The following QRSL1 variants were observed in gnomAD, a reference collection of about 807,000 sequenced individuals.
QRSL1 encodes glutamyl-tRNA(Gln) amidotransferase subunit A, mitochondrial.
Under a neutral mutation model 61.6 loss-of-function variants are expected in QRSL1, and 54 were observed. The observed-to-expected ratio is 0.88, with a 90% CI of 0.70 to 1.10. The LOEUF (loss-of-function observed/expected upper bound fraction) is 1.10, where lower values mean the gene tolerates loss of function less well. QRSL1 is among the 50% of genes least tolerant of loss of function. The pLI, the probability that QRSL1 is intolerant of heterozygous loss-of-function variation, is 0.00. For synonymous variants in QRSL1, 228 were observed against 225.7 expected, an observed-to-expected ratio of 1.01 and a Z score of -0.09; for missense variants, 505 against 622.6, an observed-to-expected ratio of 0.81 and a Z score of 2.01.
chr6:106,639,140 T>TTG lies in QRSL1; in HGVS notation c.25-1208_25-1207insGT, dbSNP rs1776976087. Among the ~76,000 whole-genome samples the TTG allele has an allele frequency of 9.9e-5, 14 of 141,966 alleles. 1 individual carries two copies. The highest frequency in any genetic ancestry group is 2.0e-4 in the Non-Finnish European group (13 of 65,646). 93.1% of individuals were successfully genotyped at this position (141,966 alleles called of 152,430 possible). A position where few individuals can be genotyped will look rare whatever the true frequency, so the allele number is the denominator to read the frequency against. Reference sequence around the variant, plus strand: ...TGTTGTTTTTTTTTTTTTTTTTTTTTTTTTTTGACAGAGTCTGGCTCTGTC... The same window carrying TTG: ...TGTTGTTTTTTTTTTTTTTTTTTTTTTGTTTTTTGACAGAGTCTGGCTCTGTC... On this transcript the variant is annotated intron_variant, in intron 1 of 10. Coordinates refer to ENST00000369046, the MANE Select transcript of QRSL1 (RefSeq NM_018292.5).
rs554306734 is a variant in QRSL1 at position 106,652,468 on chromosome 6, T to C, written c.735T>C (p.Gly245=). The change falls in exon 7 of 11, where the codon GGT becomes GGC. Residue 245 remains glycine (G), a splice_region_variant and synonymous_variant. Coordinates refer to ENST00000369046, the MANE Select transcript of QRSL1 (RefSeq NM_018292.5). ...RCVDDAAIVL[G]ALAGPDPRDS... ...ATTCATAAGTATTGCTCCTTACAGG[T>C]GCACTGGCCGGACCTGACCCCAGGG... 14 of 1,613,818 alleles carry C rather than the reference T, an allele frequency of 8.7e-6. No homozygotes were observed. Among genetic ancestry groups the C allele is most frequent in the Admixed American group, 6.7e-5 (4 of 60,018 alleles).
At chr6:106,644,851 A>T (rs1202860643) in intron 4 of QRSL1, among the ~76,000 whole-genome samples, 3 of 152,086 alleles carry the variant, frequency 2.0e-5, no homozygotes, top group African/African-American at 7.2e-5. Context: ...GTCACAAAGA[A>T]TTTTTTCCTA....
At chr6:106,649,463 G>C (rs925375649) in intron 5 of QRSL1, among the ~76,000 whole-genome samples, 5 of 152,190 alleles carry the variant, frequency 3.3e-5, no homozygotes, top group African/African-American at 1.2e-4. Context: ...GGATCTTGCA[G>C]AATAAAGCAT....
At chr6:106,639,116 GTTGTTTTTTTT>G (rs1279222095) in intron 1 of QRSL1, among the ~76,000 whole-genome samples, 1 of 54,358 alleles carries the variant, frequency 1.8e-5, no homozygotes, top group African/African-American at 6.8e-5. Flanking sequence ...TGTGTGTTTT[GTTGTTTTTTTT>G]TTTTTTTTTT....
rs978681923 is a variant in QRSL1, at chr6:106,642,884, G to T, written c.284-110G>T. 1.7e-5 allele frequency: 14 copies of T among 844,212 alleles called. No individual in the cohort carries two copies. The Admixed American group carries it at 2.6e-4, about 16-fold the overall frequency. The allele number at this position is 844,212 out of a possible 1,614,324, so 52.3% of individuals were successfully genotyped here. ...GCACTGTGTGAGAACCAATGGGAAG[G>T]CTCCTGAGCTGTTGGAGCCTATTCC... On this transcript the variant is annotated intron_variant, in intron 3 of 10. Coordinates refer to ENST00000369046, the MANE Select transcript of QRSL1 (RefSeq NM_018292.5).
chr6:106,631,104 T>A (rs1776819280), intron 1 of QRSL1, among the ~76,000 whole-genome samples: 1 of 151,756 alleles, frequency 6.6e-6, no homozygotes, highest in Admixed American at 6.6e-5. Context: ...CGGGCGCCTG[T>A]AGTCCCAGCT....
In QRSL1 at chr6:106,666,802, G is replaced by A. The variant is rs1032960721; in HGVS notation, c.*800G>A. The stretch of plus-strand genomic sequence containing the variant: ...GCGCTGAGCAGAGCAGGTGGAAGAG[G>A]AACTTTGAGCACAGGAGGAAATGCA... On this transcript the variant is annotated 3_prime_UTR_variant, in exon 11 of 11. Transcript: ENST00000369046. 6.6e-6 allele frequency: 1 copy of A among 152,238 alleles called. No homozygotes were observed. Among genetic ancestry groups the A allele is most frequent in the African/African-American group, 2.4e-5 (1 of 41,438 alleles). 9.4% of individuals were successfully genotyped at this position (152,238 alleles called of 1,614,324 possible). A position where few individuals can be genotyped will look rare whatever the true frequency, so the allele number is the denominator to read the frequency against.
chr6:106,630,123 T>C (rs1377217089), intron 1 of QRSL1, among the ~76,000 whole-genome samples: 1 of 152,188 alleles, frequency 6.6e-6, no homozygotes, highest in Admixed American at 6.5e-5. Context: ...AATTTTTGGC[T>C]TTTTTCAAAG....
intron 2 of QRSL1, 69 bp from the exon 3 acceptor site, chr6:106,640,754 T>A (rs1011071929): frequency 3.0e-6 from 4 of 1,322,958 alleles, no homozygotes; most frequent in Non-Finnish European, 4.3e-6. Context: ...GTTACTGTAA[T>A]AACATGTATT....
In QRSL1 at chr6:106,640,512, A is replaced by AAT; in HGVS notation, c.184+5_184+6dup. 1 of 1,552,148 alleles carries AAT rather than the reference A, an allele frequency of 6.4e-7. No homozygotes were observed. The highest frequency in any genetic ancestry group is 8.7e-7 in the Non-Finnish European group (1 of 1,153,536). On this transcript the variant is annotated splice_donor_region_variant and intron_variant, in intron 2 of 10. Transcript: ENST00000369046. The stretch of plus-strand genomic sequence containing the variant: ...TCAGAAAAGAGATATAAGAATGGTA[A>AAT]ATTGCTTTTAACTATACTTAATTGT...
intron 5 of QRSL1, among the ~76,000 whole-genome samples, chr6:106,649,604 G>C (rs1378626847): frequency 6.6e-6 from 1 of 151,980 alleles, no homozygotes; most frequent in Non-Finnish European, 1.5e-5. Context: ...TGTTGGTAAT[G>C]TTTATCCTTC....
intron 1 of QRSL1, among the ~76,000 whole-genome samples, chr6:106,630,168 A>G (rs1023442765): frequency 2.0e-5 from 3 of 152,174 alleles, no homozygotes; most frequent in Non-Finnish European, 2.9e-5. Flanking sequence ...CCACTAAGAT[A>G]CCAGTGATTT....
chr6:106,655,714 A>G lies in QRSL1; in HGVS notation c.1142A>G (p.Asn381Ser). The G allele has an allele frequency of 6.2e-7, 1 of 1,609,902 alleles. No individual in the cohort carries two copies. Among genetic ancestry groups the G allele is most frequent in the South Asian group, 1.1e-5 (1 of 90,982 alleles). The part of the protein sequence containing the change: ...DVVRGRILSG[N>S]FFLLKENYEN... ...GTGAGAGGAAGAATTCTCTCAGGAA[A>G]CTTTTTCTTATTAAAAGAGTAAGAC... The change falls in exon 9 of 11, where the codon AAC (asparagine) becomes AGC (serine). Residue 381 changes from asparagine to serine, a missense_variant. Transcript: ENST00000369046.
At position 106,652,458 on chromosome 6, in the gene QRSL1, T is replaced by A. The variant is rs1352083879; in HGVS notation, c.734-9T>A. 2.5e-6 allele frequency: 4 copies of A among 1,613,220 alleles called. No individual in the cohort carries two copies. Among genetic ancestry groups the A allele is most frequent in the Non-Finnish European group, 2.5e-6 (3 of 1,179,310 alleles). Reference sequence around the variant, plus strand: ...TATATCTGTCATTCATAAGTATTGCTCCTTACAGGTGCACTGGCCGGACCT... The same window carrying A: ...TATATCTGTCATTCATAAGTATTGCACCTTACAGGTGCACTGGCCGGACCT... On this transcript the variant is annotated splice_polypyrimidine_tract_variant and intron_variant, in intron 6 of 10. Transcript: ENST00000369046.
chr6:106,663,603 G>A (rs1008106498), intron 10 of QRSL1, among the ~76,000 whole-genome samples: 2 of 152,140 alleles, frequency 1.3e-5, no homozygotes, highest in African/African-American at 4.8e-5. Flanking sequence ...TCACTATCAC[G>A]AGAACAGCAC....
intron 7 of QRSL1, among the ~76,000 whole-genome samples, chr6:106,654,262 A>G (rs561768552): frequency 6.6e-6 from 1 of 152,156 alleles, no homozygotes; most frequent in South Asian, 2.1e-4. Flanking sequence ...AGGCAGGAGA[A>G]TGGCGTGAAC....
At position 106,655,649 on chromosome 6, in the gene QRSL1, C is replaced by A. The variant is rs749896179; in HGVS notation, c.1077C>A (p.Ala359=). ...HRCDIDVSTE[A]MYAATRREGF... ...GTGACATTGATGTGTCCACTGAAGC[C>A]ATGTATGCTGCAACCAGACGAGAAG... is the stretch of plus-strand genomic sequence containing the variant. Residue 359 remains alanine (A), a synonymous_variant, in exon 9 of 11, where the codon GCC becomes GCA. Coordinates refer to ENST00000369046, the MANE Select transcript of QRSL1 (RefSeq NM_018292.5). The A allele has an allele frequency of 1.9e-6, 3 of 1,613,040 alleles. No homozygotes were observed. The highest frequency in any genetic ancestry group is 2.5e-6 in the Non-Finnish European group (3 of 1,179,488).
intron 4 of QRSL1, among the ~76,000 whole-genome samples, chr6:106,648,466 C>T (rs909665048): frequency 6.6e-6 from 1 of 152,122 alleles, no homozygotes; most frequent in Non-Finnish European, 1.5e-5. Flanking sequence ...AAGTTTCTAT[C>T]ATACTTTGTG....
At position 106,663,188 on chromosome 6, in the gene QRSL1, G is replaced by A; in HGVS notation, c.1366+3G>A. 3 of 1,612,950 alleles carry A rather than the reference G, an allele frequency of 1.9e-6. No homozygotes were observed. Among genetic ancestry groups the A allele is most frequent in the Non-Finnish European group, 2.5e-6 (3 of 1,178,980 alleles). The stretch of plus-strand genomic sequence containing the variant: ...TACACAAGCTGTAAATATGGCAGGT[G>A]AGGATTCCTCAGGAACATTCTGATT... On this transcript the variant is annotated splice_donor_region_variant and intron_variant, in intron 10 of 10. Coordinates refer to ENST00000369046, the MANE Select transcript of QRSL1 (RefSeq NM_018292.5).
Sources: allele counts gnomAD v4.1 joint callset (sites outside exome capture counted in the v4.1 genomes callset), GRCh38; gene constraint gnomAD v4.1.1; transcripts MANE v1.5; gene names NCBI Gene and HGNC (gene_info 2026-07-23, HGNC 2026-07-21).